SLC13A3: variants seen among roughly 807,000 people sequenced by gnomAD.
SLC13A3 encodes the protein solute carrier family 13 member 3.
SLC13A3 carries 40 observed loss-of-function variants against 59.0 expected under a neutral mutation model. The observed-to-expected ratio is 0.68, with a 90% CI of 0.53 to 0.88. The LOEUF is 0.88. Ranked by LOEUF, SLC13A3 falls within the 40% of genes least tolerant of loss-of-function variation. The probability of loss-of-function intolerance (pLI) is 0.00; values close to 1 mark genes in which losing one functional copy is unlikely to be tolerated. For synonymous variants in SLC13A3, 317 were observed against 330.3 expected (o/e 0.96, Z 0.44); for missense variants, 699 against 783.2 (o/e 0.89, Z 1.28).
chr20:46,577,847 C>T (rs1235037801), intron 9 of SLC13A3, among the ~76,000 whole-genome samples: 1 of 152,204 alleles, frequency 6.6e-6, no homozygotes, highest in Admixed American at 6.5e-5. Flanking sequence ...AGTGTCACTA[C>T]CTTTCTGAGC....
chr20:46,584,159 A>T, intron 8 of SLC13A3: 1 of 985,362 alleles, frequency 1.0e-6, no homozygotes, highest in Non-Finnish European at 1.2e-6. Context: ...GTCACGTTTC[A>T]AGCATCCACA....
chr20:46,612,453 A>G (rs1447859739), intron 2 of SLC13A3, among the ~76,000 whole-genome samples: 2 of 152,054 alleles, frequency 1.3e-5, no homozygotes, highest in African/African-American at 4.8e-5. Flanking sequence ...TGATATTTTT[A>G]TATGACATTA....
At position 46,589,175 on chromosome 20, in the gene SLC13A3, T is replaced by C. The variant is rs1269590596; in HGVS notation, c.1001A>G (p.Asn334Ser). The change falls in exon 7 of 13, where the codon AAC becomes AGC. Residue 334 changes from asparagine to serine, a missense_variant. Asn to Ser is a conservative substitution (Grantham distance 46). Coordinates refer to ENST00000279027, the MANE Select transcript of SLC13A3 (RefSeq NM_022829.6). ...ARAVIREEYQ[N>S]LGPIKFAEQA... ...CCCCACATACTTGATGGGCCCCAGG[T>C]TCTGGTATTCTTCCCGAATTACAGC... is the stretch of plus-strand genomic sequence containing the variant. The C allele has an allele frequency of 4.3e-6, 7 of 1,614,164 alleles. No homozygotes were observed. The highest frequency in any genetic ancestry group is 1.7e-4 in the Middle Eastern group (1 of 6,056).
intron 3 of SLC13A3, among the ~76,000 whole-genome samples, chr20:46,607,727 G>A (rs1239106709): frequency 6.6e-6 from 1 of 152,182 alleles, no homozygotes; most frequent in Non-Finnish European, 1.5e-5. Context: ...TTTGGAAAAA[G>A]TCTCATGTGG....
intron 1 of SLC13A3, among the ~76,000 whole-genome samples, chr20:46,629,838 T>A (rs538033088): frequency 6.6e-6 from 1 of 152,244 alleles, no homozygotes; most frequent in Admixed American, 6.5e-5. Context: ...CCGAAAAATA[T>A]CTGTCCGATA....
At chr20:46,656,308 A>G (rs1214378228), upstream of SLC13A3, among the ~76,000 whole-genome samples, 6 of 129,812 alleles carry the variant, frequency 4.6e-5, no homozygotes, top group African/African-American at 1.4e-4. Flanking sequence ...ACTATACAGT[A>G]TATATTATAC....
intron 3 of SLC13A3, among the ~76,000 whole-genome samples, chr20:46,606,318 T>G (rs980846312): frequency 2.0e-5 from 3 of 152,250 alleles, no homozygotes; most frequent in African/African-American, 7.2e-5. Flanking sequence ...CCACTTCCTA[T>G]GTACCTGGCT....
At chr20:46,563,363 T>A (rs1169973141) in intron 12 of SLC13A3, 51 bp downstream of exon 12, 25 of 1,587,002 alleles carry the variant, frequency 1.6e-5, no homozygotes, top group Non-Finnish European at 2.0e-5. Context: ...GCCCGCCCCC[T>A]TGCGGCCCAC....
At chr20:46,683,161 G>T (rs566668654) in intron 1 of SLC13A3, among the ~76,000 whole-genome samples, 22 of 152,258 alleles carry the variant, frequency 1.4e-4, no homozygotes, top group African/African-American at 4.3e-4. Context: ...ACCGGAGATA[G>T]AAATTATTTA....
chr20:46,672,640 CT>C (rs566058343), upstream of SLC13A3, among the ~76,000 whole-genome samples: 19 of 152,302 alleles, frequency 1.2e-4, 1 homozygote, highest in South Asian at 3.9e-3. Context: ...CTTCTGACTG[CT>C]TTGACCAACA....
rs746188056 is a variant in SLC13A3 at position 46,563,458 on chromosome 20, TG to T, written c.1587del (p.Asn530ThrfsTer21). 1.9e-6 allele frequency: 3 copies of T among 1,613,920 alleles called. No homozygotes were observed. In the South Asian group the frequency reaches 3.3e-5, roughly 18 times the overall value. On this transcript the variant is annotated frameshift_variant, in exon 12 of 13. Coordinates refer to ENST00000279027, the MANE Select transcript of SLC13A3 (RefSeq NM_022829.6). LOFTEE classifies it high-confidence loss of function. ...FAFMLPVSTP[P>X]NSIAFASGHL... Reference sequence around the variant, plus strand: ...TGTCCAGAGGCGAAGGCGATGGAGTTGGGGGGCGTTGAGACCGGGAGCATGA... The same window carrying T: ...TGTCCAGAGGCGAAGGCGATGGAGTTGGGGGCGTTGAGACCGGGAGCATGA...
chr20:46,563,567 G>A lies in SLC13A3; in HGVS notation c.1495-16C>T, dbSNP rs1201262495. 1 of 1,612,758 alleles carries A rather than the reference G, an allele frequency of 6.2e-7. No homozygotes were observed. The highest frequency in any genetic ancestry group is 8.5e-7 in the Non-Finnish European group (1 of 1,179,408). The stretch of plus-strand genomic sequence containing the variant: ...GGCGGATGGCCTGGGCCAGGAAAAG[G>A]TGGGAGAGACCCGGAGAGAGACCAA... On this transcript the variant is annotated splice_polypyrimidine_tract_variant and intron_variant, in intron 11 of 12. Transcript: ENST00000279027.
At chr20:46,605,918 T>G (rs2062433929) in intron 3 of SLC13A3, among the ~76,000 whole-genome samples, 1 of 152,204 alleles carries the variant, frequency 6.6e-6, no homozygotes, top group South Asian at 2.1e-4. Context: ...TTATATCCAT[T>G]TACTCACTTA....
intron 1 of SLC13A3, among the ~76,000 whole-genome samples, chr20:46,625,908 G>T (rs1461647921): frequency 6.6e-6 from 1 of 152,172 alleles, no homozygotes; most frequent in Non-Finnish European, 1.5e-5. Flanking sequence ...ACATTTTCCT[G>T]CTGGTGGACA....
chr20:46,575,602 C>A lies in SLC13A3; in HGVS notation c.1303G>T (p.Gly435Trp). Residue 435 changes from glycine (G) to tryptophan (W), a missense_variant, in exon 10 of 13, where the codon GGG (glycine) becomes TGG (tryptophan). Transcript: ENST00000279027. ...CAGCCTTTGGCCATGGCGAAGCCCC[C>A]TCCCAGGAGAAGGATGATGTTCCAG... ...VPWNIILLLG[G>W]GFAMAKGCEE... The A allele has an allele frequency of 1.9e-6, 3 of 1,606,206 alleles. No individual in the cohort carries two copies. The highest frequency in any genetic ancestry group is 2.6e-6 in the Non-Finnish European group (3 of 1,176,154).
intron 1 of SLC13A3, among the ~76,000 whole-genome samples, chr20:46,659,440 A>G (rs2063013535): frequency 6.6e-6 from 1 of 152,140 alleles, no homozygotes; most frequent in Non-Finnish European, 1.5e-5. Flanking sequence ...ATGGTGGCCA[A>G]GTATGGTTGC....
chr20:46,633,904 T>G (rs1469518289), intron 1 of SLC13A3, among the ~76,000 whole-genome samples: 3 of 152,206 alleles, frequency 2.0e-5, no homozygotes. Context: ...AGTGACCCTG[T>G]TTAGAAATGA....
At chr20:46,607,393 G>A (rs575196587) in intron 3 of SLC13A3, among the ~76,000 whole-genome samples, 6 of 152,146 alleles carry the variant, frequency 3.9e-5, no homozygotes, top group South Asian at 2.1e-4. Flanking sequence ...CCCTGTCCTC[G>A]CCTCCTGCCA....
chr20:46,682,025 C>T (rs896725514), intron 1 of SLC13A3: 9 of 152,150 alleles, frequency 5.9e-5, no homozygotes, highest in Admixed American at 2.6e-4. Context: ...ACGGGGAACA[C>T]ATTCAAACCA....
Sources: gnomAD v4.1 joint callset for allele counts (sites outside exome capture counted in the v4.1 genomes callset) on GRCh38, gnomAD v4.1.1 for gene constraint, MANE v1.5 for transcripts, NCBI Gene and HGNC (gene_info 2026-07-23, HGNC 2026-07-21) for gene names.